The following FAP variants were observed in gnomAD, a reference collection of about 807,000 sequenced individuals.
FAP encodes fibroblast activation protein alpha.
A neutral mutation model predicts 126.5 loss-of-function variants in FAP; 110 were observed. That is an observed-to-expected ratio of 0.87 (90% CI 0.74 to 1.02). The LOEUF is 1.02. Among genes scored for constraint, FAP ranks in the 50% least tolerant of loss-of-function variants. The probability of loss-of-function intolerance (pLI) is 0.00; values close to 1 mark genes in which losing one functional copy is unlikely to be tolerated. For missense variants in FAP, 919 were observed against 909.2 expected (o/e 1.01, Z -0.14); for synonymous variants, 334 against 297.3 (o/e 1.12, Z -1.27).
At chr2:162,179,805 TATATATA>T (rs201415766) in intron 21 of FAP, among the ~76,000 whole-genome samples, 85 of 140,212 alleles carry the variant, frequency 6.1e-4, no homozygotes, top group African/African-American at 1.9e-3. Context: ...TATATATATA[TATATATA>T]TTTTTTTTTT....
chr2:162,216,785 T>C (rs982694609), intron 9 of FAP, among the ~76,000 whole-genome samples: 4 of 152,222 alleles, frequency 2.6e-5, no homozygotes, highest in Non-Finnish European at 5.9e-5. Flanking sequence ...CAACGTCTCT[T>C]AGGACCTCCG....
intron 16 of FAP, among the ~76,000 whole-genome samples, chr2:162,195,392 C>A (rs1181912062): frequency 6.6e-6 from 1 of 151,826 alleles, no homozygotes; most frequent in African/African-American, 2.4e-5. Flanking sequence ...CATAGAGACC[C>A]CTAGATAGCT....
At chr2:162,206,314 G>A (rs1383445905) in intron 12 of FAP, among the ~76,000 whole-genome samples, 1 of 152,080 alleles carries the variant, frequency 6.6e-6, no homozygotes, top group Non-Finnish European at 1.5e-5. Context: ...CCCTTACACT[G>A]GTTTCTTTAT....
chr2:162,226,804 AC>A (rs1689673262), intron 2 of FAP, among the ~76,000 whole-genome samples, 183 bp from the exon 3 acceptor site: 1 of 152,148 alleles, frequency 6.6e-6, no homozygotes, highest in Admixed American at 6.6e-5. Context: ...TTTTGTAGAT[AC>A]AGTAATTAAG....
chr2:162,234,943 C>T (rs1690049619), intron 2 of FAP, among the ~76,000 whole-genome samples: 1 of 152,258 alleles, frequency 6.6e-6, no homozygotes, highest in Non-Finnish European at 1.5e-5. Context: ...TGGTGGGCCC[C>T]ACACTCCCAG....
At chr2:162,174,649 T>C (rs1209753835) in intron 22 of FAP, among the ~76,000 whole-genome samples, 1 of 152,146 alleles carries the variant, frequency 6.6e-6, no homozygotes, top group African/African-American at 2.4e-5. Flanking sequence ...AAATAAGATA[T>C]AGTGGATTAT....
intron 21 of FAP, among the ~76,000 whole-genome samples, chr2:162,180,638 T>C (rs145117188): frequency 6.6e-6 from 1 of 152,214 alleles, no homozygotes; most frequent in Non-Finnish European, 1.5e-5. Context: ...ATCAATGGAA[T>C]GTTGAAGTCA....
chr2:162,176,032 C>T (rs1412788133), intron 21 of FAP: 2 of 152,116 alleles, frequency 1.3e-5, no homozygotes, highest in South Asian at 2.1e-4. Context: ...CCAGCTAAAG[C>T]CATACCATGT....
At chr2:162,241,467 T>C (rs1690341973) in intron 2 of FAP, among the ~76,000 whole-genome samples, 2 of 152,334 alleles carry the variant, frequency 1.3e-5, no homozygotes, top group Middle Eastern at 3.4e-3. Flanking sequence ...ATAGCTTGAA[T>C]TCCATAGTGA....
In FAP at chr2:162,179,431, C is replaced by T. The variant is rs190170848; in HGVS notation, c.1869+3983G>A. ...GTCAGTTTAAACAACATCATAGATG[C>T]TTGCTGTGGCCAAGCATTGTGCTAA... is the stretch of plus-strand genomic sequence containing the variant. On this transcript the variant is annotated intron_variant, in intron 21 of 25. Coordinates refer to ENST00000188790, the MANE Select transcript of FAP (RefSeq NM_004460.5). Among the ~76,000 whole-genome samples, 260 of 152,228 alleles carry T rather than the reference C, an allele frequency of 1.7e-3. 1 individual carries two copies. Among genetic ancestry groups the T allele is most frequent in the African/African-American group, 5.7e-3 (235 of 41,522 alleles).
At chr2:162,229,521 T>A (rs1689803998) in intron 2 of FAP, among the ~76,000 whole-genome samples, 1 of 152,146 alleles carries the variant, frequency 6.6e-6, no homozygotes. Context: ...ATTGCCTAGC[T>A]CCATAACTGA....
At chr2:162,199,243 C>T (rs887823088) in intron 15 of FAP, among the ~76,000 whole-genome samples, 2 of 152,204 alleles carry the variant, frequency 1.3e-5, no homozygotes, top group African/African-American at 4.8e-5. Context: ...TCTCTGTTTC[C>T]ACCCCATGGC....
rs61037372 is a variant in FAP at position 162,215,185 on chromosome 2, G to A, written c.866+713C>T. 1.4e-3 allele frequency among the ~76,000 whole-genome samples: 209 copies of A among 152,274 alleles called. 5 individuals carry two copies. In the East Asian group the frequency reaches 0.025, roughly 18 times the overall value. On this transcript the variant is annotated intron_variant, in intron 10 of 25. Coordinates refer to ENST00000188790, the MANE Select transcript of FAP (RefSeq NM_004460.5). ...TCTCATGGGGTTCTTTTCCCTATTAGTGATCAGTCATTTGAGCTTGGCTCT... is the reference window on the plus strand; with the variant it reads ...TCTCATGGGGTTCTTTTCCCTATTAATGATCAGTCATTTGAGCTTGGCTCT...
intron 11 of FAP, among the ~76,000 whole-genome samples, chr2:162,211,694 A>C (rs1203570510): frequency 2.0e-5 from 3 of 152,236 alleles, no homozygotes; most frequent in Admixed American, 6.5e-5. Context: ...TTAGCCATAA[A>C]AGTAAAATTA....
intron 25 of FAP, 199 bp downstream of exon 25, chr2:162,172,612 C>T (rs556796433): frequency 4.3e-5 from 23 of 532,366 alleles, no homozygotes; most frequent in African/African-American, 5.7e-5. Flanking sequence ...ACTGGGAACA[C>T]GAGAGGTGAT....
chr2:162,172,362 G>GGTCGCCGTATCATTAA, intron 25 of FAP: 2 of 158,300 alleles, frequency 1.3e-5, no homozygotes, highest in East Asian at 1.8e-4. Context: ...ATACATAGGT[G>GGTCGCCGTATCATTAA]AAAAGTTCTC....
Position 162,242,921 on chromosome 2 carries a change from T to G in FAP, c.78A>C (p.Leu26Phe). Residue 26 changes from leucine to phenylalanine, a missense_variant, in exon 2 of 26, where the codon TTA becomes TTC. Transcript: ENST00000188790. Reference protein sequence around the residue: ...VLALLVMCIVLRPSRVHNSEE... With the variant: ...VLALLVMCIVFRPSRVHNSEE... The stretch of plus-strand genomic sequence containing the variant: ...GAAAGTTCTTACCTCTTGAAGGGCG[T>G]AAGACAATGCACATCACCAATAAGG... The G allele has an allele frequency of 6.2e-7, 1 of 1,612,894 alleles. No homozygotes were observed. The highest frequency in any genetic ancestry group is 8.5e-7 in the Non-Finnish European group (1 of 1,179,246).
At chr2:162,192,591 C>T (rs1447849804) in intron 17 of FAP, among the ~76,000 whole-genome samples, 1 of 152,108 alleles carries the variant, frequency 6.6e-6, no homozygotes, top group Non-Finnish European at 1.5e-5. Context: ...GCCTGAGTTA[C>T]CACATGCTCC....
chr2:162,194,735 G>A lies in FAP; in HGVS notation c.1416C>T (p.Pro472=), dbSNP rs1405125238. ...TGCGTCCATCATGAAGGGTGGAAAT[G>A]GGGATGCCTGGGCCTGTGGGCAGGA... ...YALVCYGPGI[P]ISTLHDGRTD... Residue 472 remains proline (P), a synonymous_variant, in exon 17 of 26, where the codon CCC becomes CCT. Transcript: ENST00000188790. 3 of 1,613,500 alleles carry A rather than the reference G, an allele frequency of 1.9e-6. No individual in the cohort carries two copies. The highest frequency in any genetic ancestry group is 1.7e-6 in the Non-Finnish European group (2 of 1,179,676).
Sources: allele counts gnomAD v4.1 joint callset (sites outside exome capture counted in the v4.1 genomes callset), GRCh38; gene constraint gnomAD v4.1.1; transcripts MANE v1.5; gene names NCBI Gene and HGNC (gene_info 2026-07-23, HGNC 2026-07-21).